Variants in CGGBP1 observed in about 807,000 individuals in gnomAD.
The protein encoded by CGGBP1 is CGG triplet repeat binding protein 1.
CGGBP1 carries 4 observed loss-of-function variants against 11.4 expected under a neutral mutation model. That is an observed-to-expected ratio of 0.35 (90% CI 0.17 to 0.80). CGGBP1 has a LOEUF of 0.80. CGGBP1 is among the 30% of genes least tolerant of loss of function. The probability of loss-of-function intolerance (pLI) is 0.52; values close to 1 mark genes in which losing one functional copy is unlikely to be tolerated. For missense variants in CGGBP1, 135 were observed against 202.1 expected, an observed-to-expected ratio of 0.67 and a Z score of 2.01; for synonymous variants, 76 against 74.1, an observed-to-expected ratio of 1.03 and a Z score of -0.13.
intron 2 of CGGBP1, among the ~76,000 whole-genome samples, chr3:88,079,334 A>G (rs1217765469): frequency 2.6e-5 from 4 of 152,116 alleles, no homozygotes; most frequent in Non-Finnish European, 5.9e-5. Context: ...CTATGGAGAA[A>G]TAGTTAAAAT....
chr3:88,139,640 T>C, intron 2 of CGGBP1: 2 of 1,613,012 alleles, frequency 1.2e-6, no homozygotes, highest in Non-Finnish European at 1.7e-6. Context: ...TCCCTGAGCA[T>C]GTGGCTGAAT....
At position 88,129,313 on chromosome 3, in the gene CGGBP1, G is replaced by T. The variant is rs569388118; in HGVS notation, c.-229+11657C>A. On this transcript the variant is annotated intron_variant, in intron 2 of 3. Transcript: ENST00000462901. ...ATAAAAGTCAACAAGCTCACAGCTTGCCAGGAGTAAAAAAAAAAAAAAAAA... is the reference window on the plus strand; with the variant it reads ...ATAAAAGTCAACAAGCTCACAGCTTTCCAGGAGTAAAAAAAAAAAAAAAAA... Among the ~76,000 whole-genome samples, 12 of 111,516 alleles carry T rather than the reference G, an allele frequency of 1.1e-4. No individual in the cohort carries two copies. The South Asian group carries it at 4.0e-3, about 37-fold the overall frequency. 73.2% of individuals were successfully genotyped at this position (111,516 alleles called of 152,430 possible). A position where few individuals can be genotyped will look rare whatever the true frequency, so the allele number is the denominator to read the frequency against.
intron 2 of CGGBP1, among the ~76,000 whole-genome samples, chr3:88,109,098 G>C (rs1257852107): frequency 6.6e-6 from 1 of 151,794 alleles, no homozygotes; most frequent in Non-Finnish European, 1.5e-5. Flanking sequence ...TCCAGTGGGA[G>C]GGAAGGGGTC....
In CGGBP1 at chr3:88,053,168, C is replaced by G. The variant is rs1368153180; in HGVS notation, c.*2305G>C. 1 of 152,296 alleles carries G rather than the reference C, an allele frequency of 6.6e-6. No homozygotes were observed. Among genetic ancestry groups the G allele is most frequent in the African/African-American group, 2.4e-5 (1 of 41,452 alleles). The allele number at this position is 152,296 out of a possible 1,614,324, so 9.4% of individuals were successfully genotyped here. On this transcript the variant is annotated 3_prime_UTR_variant, in exon 4 of 4. Coordinates refer to ENST00000482016, the MANE Select transcript of CGGBP1 (RefSeq NM_001008390.2). ...CCTCTTAGACATCCTCATTTGTTAT[C>G]TAACATATGCCAATCATGGTTTCAG... is the stretch of plus-strand genomic sequence containing the variant.
chr3:88,140,409 A>G, intron 2 of CGGBP1: 2 of 1,613,324 alleles, frequency 1.2e-6, no homozygotes, highest in Non-Finnish European at 1.7e-6. Flanking sequence ...GCCAGTTTCT[A>G]CTAGCAAATC....
chr3:88,072,691 A>G (rs193216940), intron 2 of CGGBP1, among the ~76,000 whole-genome samples: 1 of 152,234 alleles, frequency 6.6e-6, no homozygotes, highest in East Asian at 1.9e-4. Context: ...TGTTTTATTA[A>G]TATTATATTT....
chr3:88,058,493 C>G (rs1279845322), intron 1 of CGGBP1, among the ~76,000 whole-genome samples: 3 of 152,116 alleles, frequency 2.0e-5, no homozygotes, highest in Admixed American at 2.0e-4. Context: ...ACGTTCCCGG[C>G]GTCTGGGCTC....
intron 1 of CGGBP1, among the ~76,000 whole-genome samples, chr3:88,147,011 C>T (rs1390496102): frequency 6.6e-6 from 1 of 152,166 alleles, no homozygotes; most frequent in African/African-American, 2.4e-5. Context: ...ACACCAGCAA[C>T]GAAAGTAATC....
At chr3:88,112,375 A>G (rs1421326500) in intron 2 of CGGBP1, among the ~76,000 whole-genome samples, 3 of 152,034 alleles carry the variant, frequency 2.0e-5, no homozygotes, top group East Asian at 1.9e-4. Context: ...CACTTGTACT[A>G]CTTTAGGATT....
chr3:88,126,771 TTGAA>T (rs1706130947), intron 2 of CGGBP1, among the ~76,000 whole-genome samples: 1 of 152,100 alleles, frequency 6.6e-6, no homozygotes, highest in Non-Finnish European at 1.5e-5. Flanking sequence ...TATTTGTTGA[TTGAA>T]TGAATGACCA....
chr3:88,104,174 C>G lies in CGGBP1; in HGVS notation c.-229+36796G>C, dbSNP rs148133762. On this transcript the variant is annotated intron_variant, in intron 2 of 3. Transcript: ENST00000462901. Reference sequence around the variant, plus strand: ...CTACAGAAAAATGTTAAAGGGAGTTCCATAAGCAGCACCAGATGCTGGACA... The same window carrying G: ...CTACAGAAAAATGTTAAAGGGAGTTGCATAAGCAGCACCAGATGCTGGACA... Among the ~76,000 whole-genome samples the G allele has an allele frequency of 7.9e-5, 12 of 152,144 alleles. No homozygotes were observed. In the East Asian group the frequency reaches 2.3e-3, roughly 29 times the overall value.
In CGGBP1 at chr3:88,055,396, C is replaced by T; in HGVS notation, c.*77G>A. 7.6e-7 allele frequency: 1 copy of T among 1,311,380 alleles called. No individual in the cohort carries two copies. The highest frequency in any genetic ancestry group is 1.8e-5 in the South Asian group (1 of 54,910). 81.2% of individuals were successfully genotyped at this position (1,311,380 alleles called of 1,614,324 possible). On this transcript the variant is annotated 3_prime_UTR_variant, in exon 4 of 4. Transcript: ENST00000482016. This position sits in a 1 kb window ranked among gnomAD's most constrained non-coding sequence, Gnocchi z 4.2. ...CACATGATTTTAAATGAAATAAATACAAAAATGAACCACACAATCAACACA... is the reference window on the plus strand; with the variant it reads ...CACATGATTTTAAATGAAATAAATATAAAAATGAACCACACAATCAACACA...
chr3:88,101,221 A>G (rs1704403512), intron 2 of CGGBP1, among the ~76,000 whole-genome samples: 2 of 152,102 alleles, frequency 1.3e-5, no homozygotes, highest in South Asian at 4.1e-4. Context: ...CATTACCACA[A>G]TCCAGTTTTT....
At position 88,055,622 on chromosome 3, in the gene CGGBP1, C is replaced by G; in HGVS notation, c.355G>C (p.Glu119Gln). Residue 119 changes from glutamate (E) to glutamine (Q), a missense_variant, in exon 4 of 4, where the codon GAG (glutamate) becomes CAG (glutamine). Glu to Gln is a conservative substitution (Grantham distance 29, BLOSUM62 2). Transcript: ENST00000482016. This position sits in a 1 kb window ranked among gnomAD's most constrained non-coding sequence, Gnocchi z 4.2. ...KMCLEANIPLEKADHPAVRAF... is the reference protein window; with the variant it reads ...KMCLEANIPLQKADHPAVRAF... ...CGGACTGCTGGGTGATCAGCCTTCT[C>G]AAGTGGGATGTTGGCTTCCAGGCAC... 1 of 1,614,188 alleles carries G rather than the reference C, an allele frequency of 6.2e-7. No homozygotes were observed. The highest frequency in any genetic ancestry group is 8.5e-7 in the Non-Finnish European group (1 of 1,180,024).
In CGGBP1 at chr3:88,054,582, C is replaced by T. The variant is rs1339561240; in HGVS notation, c.*891G>A. ...ATTAATGAATAGAAAGTAATTTTAT[C>T]TGATCTGTCAGCCAAAAAAAAATTA... On this transcript the variant is annotated 3_prime_UTR_variant, in exon 4 of 4. Transcript: ENST00000482016. 6.6e-6 allele frequency: 1 copy of T among 152,116 alleles called. No individual in the cohort carries two copies. The highest frequency in any genetic ancestry group is 1.5e-5 in the Non-Finnish European group (1 of 67,986). 9.4% of individuals were successfully genotyped at this position (152,116 alleles called of 1,614,324 possible). A position where few individuals can be genotyped will look rare whatever the true frequency, so the allele number is the denominator to read the frequency against.
chr3:88,125,823 G>C (rs1303789515), intron 2 of CGGBP1, among the ~76,000 whole-genome samples: 1 of 152,038 alleles, frequency 6.6e-6, no homozygotes, highest in Non-Finnish European at 1.5e-5. Flanking sequence ...AAATTTAACT[G>C]AACATTTAAG....
In CGGBP1 at chr3:88,139,375, A is replaced by C. The variant is rs759352641; in HGVS notation, c.-229+1595T>G. ...AGGCATGCCCAGGCTCATCAGAAAA[A>C]AGGCAGTTTTGCATGTGTAATATGT... On this transcript the variant is annotated intron_variant, in intron 2 of 3. Transcript: ENST00000462901. The C allele has an allele frequency of 1.8e-4, 290 of 1,613,424 alleles. No individual in the cohort carries two copies. Among genetic ancestry groups the C allele is most frequent in the Non-Finnish European group, 2.2e-4 (264 of 1,179,744 alleles).
chr3:88,103,023 T>C (rs1477188483), intron 2 of CGGBP1, among the ~76,000 whole-genome samples: 8 of 152,090 alleles, frequency 5.3e-5, no homozygotes, highest in Non-Finnish European at 1.0e-4. Flanking sequence ...GTGCCATCTT[T>C]ATGTCCATGA....
At chr3:88,123,308 G>C (rs1705893495) in intron 2 of CGGBP1, among the ~76,000 whole-genome samples, 1 of 151,964 alleles carries the variant, frequency 6.6e-6, no homozygotes, top group East Asian at 1.9e-4. Context: ...CCAAAATATG[G>C]TATTTTTGAC....
Sources: gnomAD v4.1 joint callset for allele counts (sites outside exome capture counted in the v4.1 genomes callset) on GRCh38, gnomAD v4.1.1 for gene constraint, Gnocchi (gnomAD v3.1) non-coding constraint, MANE v1.5 for transcripts, NCBI Gene and HGNC (gene_info 2026-07-23, HGNC 2026-07-21) for gene names.